Variants in PDZD9 observed in about 807,000 individuals in gnomAD.
PDZD9 encodes the protein PDZ domain-containing protein 9.
A neutral mutation model predicts 16.3 loss-of-function variants in PDZD9; 13 were observed. The ratio of observed to expected loss-of-function variants is 0.80; its 90% CI spans 0.52 to 1.27. PDZD9 has a LOEUF of 1.27. Among genes scored for constraint, PDZD9 ranks in the 50% most tolerant of loss-of-function variants. The pLI is 0.00. For missense variants in PDZD9, 288 were observed against 310.9 expected (o/e 0.93, Z 0.55); for synonymous variants, 120 against 111.0 (o/e 1.08, Z -0.51).
At chr16:21,992,628 C>T (rs951810563) in intron 2 of PDZD9, among the ~76,000 whole-genome samples, 3 of 152,138 alleles carry the variant, frequency 2.0e-5, no homozygotes, top group Admixed American at 6.5e-5. Context: ...TTCCTGCCCT[C>T]GAACATCAGA....
chr16:21,983,124 G>T, downstream of PDZD9: 1 of 1,614,104 alleles, frequency 6.2e-7, no homozygotes, highest in Non-Finnish European at 8.5e-7. Context: ...GAAGTCAATG[G>T]CAGCAAGTGG....
chr16:21,978,937 C>T (rs765140442), downstream of PDZD9, among the ~76,000 whole-genome samples: 5 of 152,134 alleles, frequency 3.3e-5, no homozygotes, highest in Non-Finnish European at 5.9e-5. Context: ...AAACAGACAG[C>T]AGAAGCTCTT....
chr16:21,994,577 A>G lies in PDZD9; in HGVS notation c.211+1745T>C, dbSNP rs146729715. 7.9e-4 allele frequency among the ~76,000 whole-genome samples: 120 copies of G among 152,340 alleles called. 1 individual carries two copies. Among genetic ancestry groups the G allele is most frequent in the Admixed American group, 1.3e-3 (20 of 15,302 alleles). ...CAAATCCCAGCTCCTCAGAGTGACC[A>G]TGGGAGAGTTACTAAACATCTGATT... On this transcript the variant is annotated intron_variant, in intron 2 of 3. Transcript: ENST00000424898.
At chr16:21,980,710 T>C, downstream of PDZD9, 1 of 1,611,450 alleles carries the variant, frequency 6.2e-7, no homozygotes, top group Non-Finnish European at 8.5e-7. Context: ...TGTAAGTAAA[T>C]GAAAACTTAA....
chr16:21,988,235 C>T (rs755163220), intron 3 of PDZD9, among the ~76,000 whole-genome samples: 18 of 151,908 alleles, frequency 1.2e-4, no homozygotes, highest in Non-Finnish European at 2.4e-4. Flanking sequence ...GTCTCGATTT[C>T]GTGACCTCAT....
At chr16:21,982,329 G>A (rs1205734165), downstream of PDZD9, among the ~76,000 whole-genome samples, 2 of 152,168 alleles carry the variant, frequency 1.3e-5, no homozygotes, top group Admixed American at 6.5e-5. Flanking sequence ...GAACTTGGAA[G>A]TAGTGGCATA....
the PDZD9 span, among the ~76,000 whole-genome samples, chr16:21,966,427 C>T: frequency 6.6e-6 from 1 of 151,496 alleles, no homozygotes; most frequent in Admixed American, 6.6e-5. Flanking sequence ...TAGATATGTG[C>T]GTATAATCTT....
At chr16:21,978,634 C>T in the PDZD9 span, among the ~76,000 whole-genome samples, 1 of 152,052 alleles carries the variant, frequency 6.6e-6, no homozygotes, top group African/African-American at 2.4e-5. Context: ...AGTTCTAGTC[C>T]CAAATCAAAA....
intron 1 of PDZD9, among the ~76,000 whole-genome samples, chr16:22,000,344 C>T (rs915468252): frequency 6.7e-6 from 1 of 148,806 alleles, no homozygotes; most frequent in Admixed American, 6.6e-5. Context: ...TTATGATGTT[C>T]TCCATGGAAA....
the PDZD9 span, chr16:21,974,117 A>G: frequency 4.3e-6 from 3 of 695,392 alleles, no homozygotes; most frequent in South Asian, 4.4e-5. Context: ...ATGTCATTGA[A>G]GCATTATCTG....
At chr16:21,974,259 G>A in the PDZD9 span, among the ~76,000 whole-genome samples, 1 of 152,174 alleles carries the variant, frequency 6.6e-6, no homozygotes, top group Non-Finnish European at 1.5e-5. Context: ...GAACCCAGGA[G>A]AGGGGAAGAC....
chr16:21,974,435 A>C, the PDZD9 span, among the ~76,000 whole-genome samples: 1 of 152,176 alleles, frequency 6.6e-6, no homozygotes, highest in East Asian at 1.9e-4. Flanking sequence ...AGAAAAAGAG[A>C]AGCTGATATA....
At chr16:21,988,927 C>CA in intron 2 of PDZD9, 136 bp from the exon 3 acceptor site, 1 of 598,316 alleles carries the variant, frequency 1.7e-6, no homozygotes, top group Non-Finnish European at 2.6e-6. Context: ...CAGGCTTCAG[C>CA]CTTTTTTTTT....
chr16:21,976,110 T>C, the PDZD9 span: 2 of 1,225,000 alleles, frequency 1.6e-6, no homozygotes, highest in South Asian at 2.5e-5. Flanking sequence ...AGTGTGTCAG[T>C]GCTGCAGGAG....
In PDZD9 at chr16:21,996,388, G is replaced by A. The variant is rs1899151358; in HGVS notation, c.145C>T (p.Pro49Ser). The change falls in exon 2 of 4, where the codon CCC becomes TCC. Residue 49 changes from proline (P) to serine (S), a missense_variant. Transcript: ENST00000424898. The part of the protein sequence containing the change: ...GLGLIIIQHG[P>S]YLQITHLIRK... Reference sequence around the variant, plus strand: ...ATGAGGTGGGTGATCTGGAGGTAGGGTCCATGCTGGATGATGATGAGGCCT... The same window carrying A: ...ATGAGGTGGGTGATCTGGAGGTAGGATCCATGCTGGATGATGATGAGGCCT... The A allele has an allele frequency of 6.5e-7, 1 of 1,535,970 alleles. No individual in the cohort carries two copies. The highest frequency in any genetic ancestry group is 8.7e-7 in the Non-Finnish European group (1 of 1,146,868).
rs1491535955 is a variant in PDZD9, at chr16:22,001,016, CCT to C, written c.30_31del (p.Glu11LysfsTer26). 1 of 1,533,536 alleles carries C rather than the reference CCT, an allele frequency of 6.5e-7. No individual in the cohort carries two copies. The highest frequency in any genetic ancestry group is 2.5e-5 in the East Asian group (1 of 40,684). The allele number at this position is 1,533,536 out of a possible 1,614,324, so 95.0% of individuals were successfully genotyped here. ...TCACCCGCTTCCTTCTCCCCAGTTACCTTTTTTGTTTTTGTGGGAGGCCTTCT... is the reference window on the plus strand; with the variant it reads ...TCACCCGCTTCCTTCTCCCCAGTTACTTTTTGTTTTTGTGGGAGGCCTTCT... On this transcript the variant is annotated frameshift_variant and splice_region_variant, in exon 1 of 4. Coordinates refer to ENST00000424898, the MANE Select transcript of PDZD9 (RefSeq NM_001363519.1). LOFTEE classifies it high-confidence loss of function.
At chr16:21,962,434 T>A in the PDZD9 span, 1 of 1,613,550 alleles carries the variant, frequency 6.2e-7, no homozygotes, top group East Asian at 2.2e-5. Flanking sequence ...TTCAGATGAT[T>A]TACTCTAGTT....
chr16:21,970,208 T>C, the PDZD9 span, among the ~76,000 whole-genome samples: 3 of 152,246 alleles, frequency 2.0e-5, no homozygotes, highest in Non-Finnish European at 4.4e-5. Flanking sequence ...TATTCATTGA[T>C]TGGCATTTGG....
chr16:21,958,718 C>T, the PDZD9 span: 1 of 851,256 alleles, frequency 1.2e-6, no homozygotes, highest in Non-Finnish European at 1.8e-6. Flanking sequence ...AAGGAAAAGA[C>T]TGATGAATTT....
Sources: allele counts gnomAD v4.1 joint callset (sites outside exome capture counted in the v4.1 genomes callset), GRCh38; gene constraint gnomAD v4.1.1; transcripts MANE v1.5; gene names NCBI Gene and HGNC (gene_info 2026-07-23, HGNC 2026-07-21).